ROR1: variants seen among roughly 807,000 people sequenced by gnomAD.
The protein encoded by ROR1 is inactive tyrosine-protein kinase transmembrane receptor ROR1.
ROR1 carries 19 observed loss-of-function variants against 78.8 expected under a neutral mutation model. That is an observed-to-expected ratio of 0.24 (90% CI 0.17 to 0.35). The LOEUF is 0.35. Among genes scored for constraint, ROR1 ranks in the 10% least tolerant of loss-of-function variants. The probability of loss-of-function intolerance (pLI) is 1.00; values close to 1 mark genes in which losing one functional copy is unlikely to be tolerated. For missense variants in ROR1, 917 were observed against 1,177.8 expected (o/e 0.78, Z 3.24); for synonymous variants, 386 against 433.6 (o/e 0.89, Z 1.36).
chr1:64,175,354 A>T (rs1422393499), intron 8 of ROR1, among the ~76,000 whole-genome samples: 1 of 152,132 alleles, frequency 6.6e-6, no homozygotes, highest in Non-Finnish European at 1.5e-5. Context: ...ACCAGTACAT[A>T]CGAAACGTCC....
At chr1:63,786,122 G>A (rs1157488875) in intron 1 of ROR1, among the ~76,000 whole-genome samples, 1 of 151,986 alleles carries the variant, frequency 6.6e-6, no homozygotes, top group Non-Finnish European at 1.5e-5. Context: ...ACTGTGCTCC[G>A]GGCCTCTGCA....
chr1:64,066,467 A>C (rs1012274304), intron 4 of ROR1, among the ~76,000 whole-genome samples: 2 of 151,940 alleles, frequency 1.3e-5, no homozygotes, highest in East Asian at 3.9e-4. Flanking sequence ...ACAGGCGCCC[A>C]CCACCATGCC....
intron 1 of ROR1, among the ~76,000 whole-genome samples, chr1:63,808,840 TG>T (rs920145213): frequency 5.7e-5 from 8 of 139,220 alleles, no homozygotes; most frequent in Non-Finnish European, 8.8e-5. Context: ...TTTTCATTTA[TG>T]TTTTTTTTTT....
intron 1 of ROR1, among the ~76,000 whole-genome samples, chr1:63,943,100 A>AC (rs1385801296): frequency 2.0e-4 from 30 of 150,408 alleles, no homozygotes; most frequent in African/African-American, 7.2e-4. Context: ...CTTTAAAAAA[A>AC]AAAAAAAAAA....
intron 1 of ROR1, among the ~76,000 whole-genome samples, chr1:63,816,682 C>T (rs1484837650): frequency 1.3e-5 from 2 of 152,198 alleles, no homozygotes; most frequent in Non-Finnish European, 2.9e-5. Context: ...GCTAATGGTA[C>T]ACACCTTGAG....
chr1:63,973,618 T>C (rs1258477845), intron 1 of ROR1, among the ~76,000 whole-genome samples: 2 of 152,128 alleles, frequency 1.3e-5, no homozygotes, highest in South Asian at 2.1e-4. Flanking sequence ...GTCCCCAATA[T>C]TGGGACACAG....
intron 4 of ROR1, among the ~76,000 whole-genome samples, chr1:64,084,728 C>T (rs967449469): frequency 1.4e-4 from 21 of 152,110 alleles, no homozygotes; most frequent in African/African-American, 5.1e-4. Flanking sequence ...ATGACTTATG[C>T]CTGTTAATTA....
At chr1:63,800,770 C>T (rs1380602254) in intron 1 of ROR1, among the ~76,000 whole-genome samples, 1 of 152,186 alleles carries the variant, frequency 6.6e-6, no homozygotes, top group East Asian at 1.9e-4. Context: ...AGATGTGCTG[C>T]TCTGATGAGA....
chr1:64,167,883 A>G (rs1424340581), intron 8 of ROR1, among the ~76,000 whole-genome samples: 1 of 152,208 alleles, frequency 6.6e-6, no homozygotes, highest in Admixed American at 6.5e-5. Flanking sequence ...TTTTGCATCA[A>G]TGGTCCTCAT....
chr1:63,788,977 G>A (rs530051410), intron 1 of ROR1: 167 of 661,972 alleles, frequency 2.5e-4, no homozygotes, highest in African/African-American at 1.7e-3. Context: ...TTAGATATGC[G>A]GTATCTTCTG....
chr1:63,945,826 G>A (rs1645883060), intron 1 of ROR1, among the ~76,000 whole-genome samples: 1 of 152,188 alleles, frequency 6.6e-6, no homozygotes. Flanking sequence ...TTACTAAATA[G>A]ATTCTTAGCA....
At chr1:63,944,100 A>T (rs1182133099) in intron 1 of ROR1, among the ~76,000 whole-genome samples, 1 of 152,216 alleles carries the variant, frequency 6.6e-6, no homozygotes, top group Non-Finnish European at 1.5e-5. Flanking sequence ...AGGTGAGATT[A>T]TACCTTAAAT....
Position 64,178,553 on chromosome 1 carries a change from C to T in ROR1, c.2512C>T (p.Pro838Ser). 1 of 1,614,192 alleles carries T rather than the reference C, an allele frequency of 6.2e-7. No homozygotes were observed. Among genetic ancestry groups the T allele is most frequent in the South Asian group, 1.1e-5 (1 of 91,082 alleles). Reference protein sequence around the residue: ...YAAFPAAHYQPTGPPRVIQHC... With the variant: ...YAAFPAAHYQSTGPPRVIQHC... The stretch of plus-strand genomic sequence containing the variant: ...AGCGTTTCCAGCTGCCCACTACCAG[C>T]CAACAGGTCCTCCCAGAGTGATTCA... The change falls in exon 9 of 9, where the codon CCA becomes TCA. Residue 838 changes from proline to serine, a missense_variant. Pro to Ser is a moderately conservative substitution (Grantham distance 74). Transcript: ENST00000371079. This position sits in a 1 kb window ranked among gnomAD's most constrained non-coding sequence, Gnocchi z 4.3.
At chr1:64,063,823 C>T (rs906000821) in intron 4 of ROR1, among the ~76,000 whole-genome samples, 2 of 152,174 alleles carry the variant, frequency 1.3e-5, no homozygotes, top group African/African-American at 4.8e-5. Flanking sequence ...ATCAGAATCT[C>T]TCAGAGTGGT....
chr1:63,930,920 A>C (rs1645746240), intron 1 of ROR1, among the ~76,000 whole-genome samples: 2 of 152,230 alleles, frequency 1.3e-5, no homozygotes, highest in Admixed American at 1.3e-4. Context: ...CCTCAGAGTT[A>C]GATTAAATTT....
chr1:63,954,884 G>A (rs2100475959), intron 1 of ROR1, among the ~76,000 whole-genome samples: 1 of 152,284 alleles, frequency 6.6e-6, no homozygotes, highest in East Asian at 1.9e-4. Flanking sequence ...AGGGACGACT[G>A]TAATTAGTTG....
chr1:63,782,117 C>G (rs926558496), intron 1 of ROR1, among the ~76,000 whole-genome samples: 1 of 152,168 alleles, frequency 6.6e-6, no homozygotes, highest in East Asian at 1.9e-4. Flanking sequence ...TTCTGATAGT[C>G]TCACTGGAGA....
chr1:63,914,762 TA>T (rs1273725383), intron 1 of ROR1, among the ~76,000 whole-genome samples: 1 of 152,222 alleles, frequency 6.6e-6, no homozygotes, highest in Admixed American at 6.5e-5. Context: ...TCAGCCATTT[TA>T]AAAAATTGGT....
intron 1 of ROR1, among the ~76,000 whole-genome samples, chr1:64,007,583 A>G (rs1646439276): frequency 6.6e-6 from 1 of 152,164 alleles, no homozygotes; most frequent in Non-Finnish European, 1.5e-5. Flanking sequence ...TTCATAGTGT[A>G]TTATGTCCTT....
Sources: allele counts gnomAD v4.1 joint callset (sites outside exome capture counted in the v4.1 genomes callset), GRCh38; gene constraint gnomAD v4.1.1; non-coding constraint Gnocchi (gnomAD v3.1); transcripts MANE v1.5; gene names NCBI Gene and HGNC (gene_info 2026-07-23, HGNC 2026-07-21).